The following ATP2B4 variants were observed in gnomAD, a reference collection of about 807,000 sequenced individuals.
ATP2B4 encodes the protein plasma membrane calcium-transporting ATPase 4.
ATP2B4 carries 39 observed loss-of-function variants against 110.3 expected under a neutral mutation model. The observed-to-expected ratio is 0.35, with a 90% CI of 0.27 to 0.46. The LOEUF (loss-of-function observed/expected upper bound fraction) is 0.46, where lower values mean the gene tolerates loss of function less well. Among genes scored for constraint, ATP2B4 ranks in the 20% least tolerant of loss-of-function variants. The pLI is 1.00. For synonymous variants in ATP2B4, 538 were observed against 571.7 expected (o/e 0.94, Z 0.84); for missense variants, 1,135 against 1,530.9 (o/e 0.74, Z 4.32).
intron 6 of ATP2B4, among the ~76,000 whole-genome samples, chr1:203,701,314 G>C (rs1233032384): frequency 6.6e-6 from 1 of 152,174 alleles, no homozygotes; most frequent in Non-Finnish European, 1.5e-5. Context: ...TCAAGACTAA[G>C]AGAAAATTGG....
At chr1:203,684,208 G>A (rs942044169) in intron 2 of ATP2B4, among the ~76,000 whole-genome samples, 1 of 152,092 alleles carries the variant, frequency 6.6e-6, no homozygotes, top group Non-Finnish European at 1.5e-5. Flanking sequence ...CTTCTCTATT[G>A]TATACTGTTA....
chr1:203,708,138 GGT>G, intron 10 of ATP2B4, 34 bp downstream of exon 10: 1 of 1,609,920 alleles, frequency 6.2e-7, no homozygotes, highest in Non-Finnish European at 8.5e-7. Context: ...ACTTAGAGTG[GGT>G]GGTTGGAAGG....
At chr1:203,679,021 C>T (rs897678601) in intron 1 of ATP2B4, among the ~76,000 whole-genome samples, 3 of 152,054 alleles carry the variant, frequency 2.0e-5, no homozygotes, top group African/African-American at 7.2e-5. Flanking sequence ...ATTTCTTGCC[C>T]TAGGAGGAAG....
intron 2 of ATP2B4, among the ~76,000 whole-genome samples, chr1:203,686,603 A>G (rs2102366287): frequency 8.9e-6 from 1 of 111,772 alleles, no homozygotes; most frequent in Admixed American, 1.1e-4. Flanking sequence ...TAGGACTCCT[A>G]ACACTGGCAC....
chr1:203,721,812 G>A (rs1410908253), intron 17 of ATP2B4, among the ~76,000 whole-genome samples: 2 of 151,744 alleles, frequency 1.3e-5, no homozygotes, highest in South Asian at 2.1e-4. Flanking sequence ...ACAGGCATGC[G>A]CCACCACACC....
intron 17 of ATP2B4, among the ~76,000 whole-genome samples, chr1:203,721,928 T>C (rs1395796801): frequency 6.6e-6 from 1 of 152,144 alleles, no homozygotes; most frequent in Admixed American, 6.5e-5. Flanking sequence ...CCCAGAGTGC[T>C]GGGATTACAG....
chr1:203,715,523 A>C (rs1666136225), intron 15 of ATP2B4, among the ~76,000 whole-genome samples: 1 of 143,428 alleles, frequency 7.0e-6, no homozygotes, highest in African/African-American at 2.6e-5. Flanking sequence ...ACTGCACCCC[A>C]GCCTGGGTGA....
At chr1:203,643,111 G>A (rs1489078609) in intron 1 of ATP2B4, among the ~76,000 whole-genome samples, 2 of 152,160 alleles carry the variant, frequency 1.3e-5, no homozygotes, top group African/African-American at 4.8e-5. Context: ...CTCCATCAAA[G>A]GGCATGCAGG....
intron 1 of ATP2B4, among the ~76,000 whole-genome samples, chr1:203,667,106 C>T (rs1664526193): frequency 6.6e-6 from 1 of 152,150 alleles, no homozygotes; most frequent in African/African-American, 2.4e-5. Flanking sequence ...TGCGCACCAC[C>T]ATGCCTGGCT....
At chr1:203,720,890 T>C in intron 16 of ATP2B4, 150 bp downstream of exon 16, 1 of 994,262 alleles carries the variant, frequency 1.0e-6, no homozygotes, top group Non-Finnish European at 1.4e-6. Flanking sequence ...TCTGCTGTCT[T>C]CATCTGCTTA....
chr1:203,638,483 C>T lies in ATP2B4; in HGVS notation c.-465+11264C>T, dbSNP rs542180478. On this transcript the variant is annotated intron_variant, in intron 1 of 20. Transcript: ENST00000357681. ...AGCATCCATTCCAGGAGCTTTCTGACCTTGTACAGGGGAGGACGGTCACCA... is the reference window on the plus strand; with the variant it reads ...AGCATCCATTCCAGGAGCTTTCTGATCTTGTACAGGGGAGGACGGTCACCA... Among the ~76,000 whole-genome samples the T allele has an allele frequency of 2.6e-5, 4 of 152,300 alleles. No individual in the cohort carries two copies. In the South Asian group the frequency reaches 8.3e-4, roughly 32 times the overall value.
In ATP2B4 at chr1:203,702,070, C is replaced by T. The variant is rs141117629; in HGVS notation, c.928C>T (p.Arg310Cys). 1.3e-5 allele frequency: 21 copies of T among 1,613,930 alleles called. No individual in the cohort carries two copies. The Admixed American group carries it at 2.8e-4, about 22-fold the overall frequency. The change falls in exon 7 of 21, where the codon CGC becomes TGC. Residue 310 changes from arginine to cysteine, a missense_variant. Arg to Cys is a radical substitution (Grantham distance 180). Transcript: ENST00000357681. ...TAAAAAACAAGGAGTCCCTGAAAATCGCAACAAAGGTAACCTCTCCAACTA... is the reference window on the plus strand; with the variant it reads ...TAAAAAACAAGGAGTCCCTGAAAATTGCAACAAAGGTAACCTCTCCAACTA... ...KGKKQGVPEN[R>C]NKAKTQDGVA...
chr1:203,650,556 C>T (rs976001737), intron 1 of ATP2B4, among the ~76,000 whole-genome samples: 6 of 152,030 alleles, frequency 3.9e-5, no homozygotes, highest in African/African-American at 9.7e-5. Context: ...TCCCGGGCCG[C>T]GCTGGTAGCC....
In ATP2B4 at chr1:203,709,553, C is replaced by A. The variant is rs757291711; in HGVS notation, c.1799+11C>A. The A allele has an allele frequency of 5.3e-5, 86 of 1,613,800 alleles. No homozygotes were observed. The highest frequency in any genetic ancestry group is 6.9e-5 in the Non-Finnish European group (82 of 1,179,894). ...GATCATCTTGCGCAAGTGAGCACCCCCGACCACTCTGCTTCCCTTCAAGAT... is the reference window on the plus strand; with the variant it reads ...GATCATCTTGCGCAAGTGAGCACCCACGACCACTCTGCTTCCCTTCAAGAT... On this transcript the variant is annotated intron_variant, in intron 11 of 20. Transcript: ENST00000357681.
In ATP2B4 at chr1:203,743,352, G is replaced by C. The variant is rs1052540005; in HGVS notation, c.*3498G>C. 1 of 152,586 alleles carries C rather than the reference G, an allele frequency of 6.6e-6. No individual in the cohort carries two copies. Among genetic ancestry groups the C allele is most frequent in the African/African-American group, 2.4e-5 (1 of 41,418 alleles). The allele number at this position is 152,586 out of a possible 1,614,324, so 9.5% of individuals were successfully genotyped here. On this transcript the variant is annotated 3_prime_UTR_variant, in exon 21 of 21. Coordinates refer to ENST00000357681, the MANE Select transcript of ATP2B4 (RefSeq NM_001684.5). Reference sequence around the variant, plus strand: ...ACCCCCGATGCATTGGTGAGGGTGGGCACTTATAAATGCCTGCTATTGTTA... The same window carrying C: ...ACCCCCGATGCATTGGTGAGGGTGGCCACTTATAAATGCCTGCTATTGTTA...
At chr1:203,727,647 T>G (rs975354984) in intron 20 of ATP2B4, 76 bp downstream of exon 20, 11 of 1,561,762 alleles carry the variant, frequency 7.0e-6, no homozygotes, top group Non-Finnish European at 9.6e-6. Flanking sequence ...GGGTAGCAGT[T>G]CTTGTCGGCC....
chr1:203,701,477 C>G (rs1462551053), intron 6 of ATP2B4, among the ~76,000 whole-genome samples: 1 of 152,028 alleles, frequency 6.6e-6, no homozygotes, highest in Non-Finnish European at 1.5e-5. Context: ...ATACTAAAAC[C>G]AAGTCTACAC....
rs57144862 is a variant in ATP2B4 at position 203,672,324 on chromosome 1, C to CTTTTTTT, written c.-464-10392_-464-10386dup. ...TGTTCCTGAGTAAGTTGCGGTGGCT[C>CTTTTTTT]TTTTTTTTTTTTTTTTTTTTTTTTT... On this transcript the variant is annotated intron_variant, in intron 1 of 20. Transcript: ENST00000357681. Among the ~76,000 whole-genome samples, 362 of 79,522 alleles carry CTTTTTTT rather than the reference C, an allele frequency of 4.6e-3. 6 individuals are homozygous for CTTTTTTT. Among genetic ancestry groups the CTTTTTTT allele is most frequent in the Middle Eastern group, 0.017 (2 of 118 alleles). 52.2% of individuals were successfully genotyped at this position (79,522 alleles called of 152,430 possible). A position where few individuals can be genotyped will look rare whatever the true frequency, so the allele number is the denominator to read the frequency against.
Position 203,683,102 on chromosome 1 carries a change from G to A in ATP2B4, c.-104G>A. 2 of 1,359,712 alleles carry A rather than the reference G, an allele frequency of 1.5e-6. No homozygotes were observed. Among genetic ancestry groups the A allele is most frequent in the Non-Finnish European group, 2.0e-6 (2 of 995,112 alleles). The allele number at this position is 1,359,712 out of a possible 1,614,324, so 84.2% of individuals were successfully genotyped here. A position where few individuals can be genotyped will look rare whatever the true frequency, so the allele number is the denominator to read the frequency against. The stretch of plus-strand genomic sequence containing the variant: ...ATTCCCTCACTGGGCCCCCAGAGAA[G>A]CAAGAAGTAGGAAGAAGTTGAGACA... On this transcript the variant is annotated 5_prime_UTR_variant, in exon 2 of 21. Coordinates refer to ENST00000357681, the MANE Select transcript of ATP2B4 (RefSeq NM_001684.5).
Sources: allele counts gnomAD v4.1 joint callset (sites outside exome capture counted in the v4.1 genomes callset), GRCh38; gene constraint gnomAD v4.1.1; transcripts MANE v1.5; gene names NCBI Gene and HGNC (gene_info 2026-07-23, HGNC 2026-07-21).